SDK1: variants seen among roughly 807,000 people sequenced by gnomAD.
SDK1 encodes protein sidekick-1.
A neutral mutation model predicts 245.5 loss-of-function variants in SDK1; 157 were observed. That is an observed-to-expected ratio of 0.64 (90% CI 0.56 to 0.73). The LOEUF is 0.73. Ranked by LOEUF, SDK1 falls within the 30% of genes least tolerant of loss-of-function variation. The pLI, the probability that SDK1 is intolerant of heterozygous loss-of-function variation, is 0.00. For missense variants in SDK1, 3,583 were observed against 3,002.3 expected, an observed-to-expected ratio of 1.19 and a Z score of -4.52; for synonymous variants, 1,647 against 1,278.5, an observed-to-expected ratio of 1.29 and a Z score of -6.15.
Position 3,346,963 on chromosome 7 carries a change from A to G in SDK1, c.298+45079A>G, listed in dbSNP as rs544877288. On this transcript the variant is annotated intron_variant, in intron 1 of 44. Coordinates refer to ENST00000404826, the MANE Select transcript of SDK1 (RefSeq NM_152744.4). ...TAGAATTATAGGCATGAGCTACTGC[A>G]CCCAGCCCTGAGAGAATTATTTATT... Among the ~76,000 whole-genome samples, 72 of 149,382 alleles carry G rather than the reference A, an allele frequency of 4.8e-4. 1 individual carries two copies. Among genetic ancestry groups the G allele is most frequent in the Non-Finnish European group, 8.6e-4 (58 of 67,592 alleles).
At chr7:4,162,008 C>A in intron 32 of SDK1, 152 bp downstream of exon 32, 7 of 582,886 alleles carry the variant, frequency 1.2e-5, no homozygotes, top group East Asian at 6.0e-5. Context: ...CTCAAAAACG[C>A]GAGGGGGAAA....
chr7:3,531,657 G>A (rs12111969), intron 1 of SDK1, among the ~76,000 whole-genome samples: 36,227 of 152,064 alleles, frequency 0.24, 4,573 homozygotes, highest in East Asian at 0.33. Context: ...TCCCACATTA[G>A]TGTAGGTTAT....
chr7:3,314,491 T>A (rs1191600386), intron 1 of SDK1, among the ~76,000 whole-genome samples: 1 of 152,124 alleles, frequency 6.6e-6, no homozygotes, highest in South Asian at 2.1e-4. Context: ...AAGAGGCAAG[T>A]GGTTGAGATG....
intron 4 of SDK1, among the ~76,000 whole-genome samples, chr7:3,666,124 A>G (rs1307064347): frequency 6.6e-6 from 1 of 152,032 alleles, no homozygotes; most frequent in Non-Finnish European, 1.5e-5. Context: ...AATCCAGTTA[A>G]CCAGATGTTT....
Position 3,958,946 on chromosome 7 carries a change from C to G in SDK1, c.1166C>G (p.Thr389Ser). 1 of 1,613,864 alleles carries G rather than the reference C, an allele frequency of 6.2e-7. No homozygotes were observed. Among genetic ancestry groups the G allele is most frequent in the Non-Finnish European group, 8.5e-7 (1 of 1,179,794 alleles). Residue 389 changes from threonine (T) to serine (S), a missense_variant, in exon 8 of 45, where the codon ACT (threonine) becomes AGT (serine). Thr to Ser is a moderately conservative substitution (Grantham distance 58). Transcript: ENST00000404826. ...FLFIIEPPYF[T>S]AEPESRISAE... is the part of the protein sequence containing the mutation. Reference sequence around the variant, plus strand: ...TTGTTTGAAGAGCCACCATATTTTACTGCTGAGCCCGAGAGTCGGATTTCA... The same window carrying G: ...TTGTTTGAAGAGCCACCATATTTTAGTGCTGAGCCCGAGAGTCGGATTTCA...
At chr7:4,005,393 AGTGTGTGT>A (rs71032920) in intron 14 of SDK1, among the ~76,000 whole-genome samples, 1,424 of 129,898 alleles carry the variant, frequency 0.011, 19 homozygotes, top group African/African-American at 0.026. Flanking sequence ...TTCTTATGTG[AGTGTGTGT>A]GTGTGTGTGT....
At position 3,784,690 on chromosome 7, in the gene SDK1, G is replaced by C. The variant is rs10230369; in HGVS notation, c.714-36760G>C. Among the ~76,000 whole-genome samples the C allele has an allele frequency of 2.0e-5, 3 of 152,112 alleles. No homozygotes were observed. The South Asian group carries it at 6.2e-4, about 31-fold the overall frequency. ...ACATCTCACACCTGTCAGAATAGCTGTTTTCAAAAAGACAATATAACATGT... is the reference window on the plus strand; with the variant it reads ...ACATCTCACACCTGTCAGAATAGCTCTTTTCAAAAAGACAATATAACATGT... On this transcript the variant is annotated intron_variant, in intron 4 of 44. Transcript: ENST00000404826.
chr7:3,553,202 T>C (rs982130085), intron 1 of SDK1, among the ~76,000 whole-genome samples: 6 of 152,178 alleles, frequency 3.9e-5, no homozygotes, highest in African/African-American at 1.4e-4. Context: ...TAGCAGGCAG[T>C]GATCTAAGAG....
At chr7:3,647,390 G>A (rs1315425315) in intron 4 of SDK1, among the ~76,000 whole-genome samples, 2 of 152,156 alleles carry the variant, frequency 1.3e-5, no homozygotes, top group African/African-American at 2.4e-5. Context: ...CAGGGCCAGA[G>A]TCTCTTGCAG....
chr7:3,371,097 A>G (rs1781216108), intron 1 of SDK1, among the ~76,000 whole-genome samples: 2 of 152,140 alleles, frequency 1.3e-5, no homozygotes, highest in Non-Finnish European at 2.9e-5. Flanking sequence ...AGTTGACAAG[A>G]GTGCCTGAGT....
At chr7:3,596,860 A>G (rs1373583681) in intron 1 of SDK1, among the ~76,000 whole-genome samples, 3 of 152,196 alleles carry the variant, frequency 2.0e-5, no homozygotes, top group East Asian at 1.9e-4. Context: ...AAAGCACCAT[A>G]AAAGATAGAA....
At chr7:3,509,219 C>T (rs1226711328) in intron 1 of SDK1, among the ~76,000 whole-genome samples, 1 of 152,150 alleles carries the variant, frequency 6.6e-6, no homozygotes, top group East Asian at 1.9e-4. Context: ...ACTTGACCCC[C>T]AGGATACCAC....
intron 13 of SDK1, among the ~76,000 whole-genome samples, chr7:3,978,941 G>T (rs1366807087): frequency 6.6e-6 from 1 of 152,162 alleles, no homozygotes; most frequent in Non-Finnish European, 1.5e-5. Context: ...CCAGCCGTTG[G>T]CCTCTTCTCA....
At chr7:3,429,296 TTGTAATGTAATTC>T (rs1343730989) in intron 1 of SDK1, among the ~76,000 whole-genome samples, 2 of 152,208 alleles carry the variant, frequency 1.3e-5, no homozygotes, top group Admixed American at 1.3e-4. Flanking sequence ...TTTTACTTAT[TTGTAATGTAATTC>T]TTATAAACAT....
intron 17 of SDK1, among the ~76,000 whole-genome samples, chr7:4,035,777 C>G (rs1034919422): frequency 1.3e-5 from 2 of 152,144 alleles, no homozygotes; most frequent in Non-Finnish European, 2.9e-5. Context: ...CCTGGAACAT[C>G]TCATCATTCC....
chr7:3,413,523 C>T (rs1029330612), intron 1 of SDK1, among the ~76,000 whole-genome samples: 4 of 151,972 alleles, frequency 2.6e-5, no homozygotes, highest in Non-Finnish European at 4.4e-5. Flanking sequence ...AGTGAAACTC[C>T]GTCTCTACTA....
intron 41 of SDK1, among the ~76,000 whole-genome samples, chr7:4,234,368 C>T (rs1385008891): frequency 2.0e-5 from 3 of 152,174 alleles, no homozygotes; most frequent in Non-Finnish European, 4.4e-5. Flanking sequence ...GGCTTCCTCC[C>T]CGAGAGCACC....
At chr7:4,053,361 C>G (rs1323634361) in intron 19 of SDK1, among the ~76,000 whole-genome samples, 1 of 136,946 alleles carries the variant, frequency 7.3e-6, no homozygotes, top group African/African-American at 3.4e-5. Context: ...GCTTGCCTCT[C>G]TCCCCTTTCC....
chr7:3,861,975 C>G (rs917702654), intron 5 of SDK1, among the ~76,000 whole-genome samples: 3 of 152,118 alleles, frequency 2.0e-5, no homozygotes, highest in African/African-American at 7.2e-5. Flanking sequence ...CTCTAGTGAC[C>G]CTGCCTTAAG....
Sources: gnomAD v4.1 joint callset for allele counts (sites outside exome capture counted in the v4.1 genomes callset) on GRCh38, gnomAD v4.1.1 for gene constraint, MANE v1.5 for transcripts, NCBI Gene and HGNC (gene_info 2026-07-23, HGNC 2026-07-21) for gene names.